The following C6 variants were observed in gnomAD, a reference collection of about 807,000 sequenced individuals.
C6 encodes the protein complement component C6.
In C6, 101 loss-of-function variants were observed where a neutral mutation model predicts 112.9. That is an observed-to-expected ratio of 0.89 (90% CI 0.76 to 1.06). The LOEUF (loss-of-function observed/expected upper bound fraction) is 1.06, where lower values mean the gene tolerates loss of function less well. Among genes scored for constraint, C6 ranks in the 50% least tolerant of loss-of-function variants. The pLI is 0.00. For synonymous variants in C6, 431 were observed against 384.1 expected (o/e 1.12, Z -1.43); for missense variants, 1,202 against 1,104.6 (o/e 1.09, Z -1.25).
chr5:41,213,266 G>T, intron 1 of C6, 110 bp downstream of exon 1: 1 of 290,814 alleles, frequency 3.4e-6, no homozygotes, highest in Non-Finnish European at 5.1e-6. Context: ...ACAAAGAAAT[G>T]GTTATAGTCT....
At chr5:41,168,315 A>G (rs1342332547) in intron 9 of C6, among the ~76,000 whole-genome samples, 2 of 152,210 alleles carry the variant, frequency 1.3e-5, no homozygotes, top group African/African-American at 4.8e-5. Context: ...AGCCAAAGCA[A>G]AAATGGCCTA....
At chr5:41,203,628 T>G (rs1208558300) in intron 1 of C6, 1 of 198,202 alleles carries the variant, frequency 5.0e-6, no homozygotes, top group East Asian at 1.2e-4. Context: ...TCAAGTACAT[T>G]TCAGCTGTTC....
chr5:41,210,755 T>G (rs1008377704), intron 1 of C6, among the ~76,000 whole-genome samples: 6 of 152,140 alleles, frequency 3.9e-5, no homozygotes, highest in African/African-American at 1.4e-4. Context: ...CTGGAGAGGA[T>G]GTGGAGAAAT....
At position 41,174,810 on chromosome 5, in the gene C6, A is replaced by G. The variant is rs1454301524; in HGVS notation, c.1168+1665T>C. Among the ~76,000 whole-genome samples the G allele has an allele frequency of 3.9e-5, 6 of 152,344 alleles. No individual in the cohort carries two copies. In the East Asian group the frequency reaches 9.6e-4, roughly 24 times the overall value. On this transcript the variant is annotated intron_variant, in intron 8 of 17. Coordinates refer to ENST00000337836, the MANE Select transcript of C6 (RefSeq NM_000065.5). ...TAAATCTATACTTTAGTTTCATGTT[A>G]TGATGAGGTAAAGGGAGAGAGAATA...
chr5:41,151,266 A>G (rs1561093890), intron 15 of C6, among the ~76,000 whole-genome samples: 2 of 152,192 alleles, frequency 1.3e-5, no homozygotes, highest in Non-Finnish European at 2.9e-5. Flanking sequence ...CCAAGGTTCC[A>G]GAGGTGGAAA....
intron 17 of C6, among the ~76,000 whole-genome samples, chr5:41,148,244 C>A (rs137958931): frequency 1.3e-5 from 2 of 152,108 alleles, no homozygotes; most frequent in African/African-American, 2.4e-5. Flanking sequence ...TCATAGAATA[C>A]CCGTATAGAC....
chr5:41,194,700 G>C (rs767057128), intron 5 of C6, among the ~76,000 whole-genome samples: 5 of 150,556 alleles, frequency 3.3e-5, no homozygotes, highest in Non-Finnish European at 7.4e-5. Context: ...AAAGGGGAGA[G>C]TATAGGAGAT....
At chr5:41,159,738 T>C (rs953129887) in intron 11 of C6, among the ~76,000 whole-genome samples, 1 of 152,320 alleles carries the variant, frequency 6.6e-6, no homozygotes, top group East Asian at 1.9e-4. Context: ...TATTTTTTAT[T>C]ACAAAGCCAT....
At chr5:41,253,575 C>T (rs573118863) in intron 1 of C6, among the ~76,000 whole-genome samples, 1 of 152,294 alleles carries the variant, frequency 6.6e-6, no homozygotes, top group East Asian at 1.9e-4. Flanking sequence ...TAGGACCCAC[C>T]TAATTTGTTT....
In C6 at chr5:41,178,797, C is replaced by T. The variant is rs531736523; in HGVS notation, c.928-2082G>A. 3.3e-5 allele frequency among the ~76,000 whole-genome samples: 5 copies of T among 151,256 alleles called. No homozygotes were observed. In the South Asian group the frequency reaches 1.0e-3, roughly 32 times the overall value. ...AGCCTCATTTCCTTAGACTGAAATT[C>T]CTTAATTCTGTTCAGAACTAATCAA... On this transcript the variant is annotated intron_variant, in intron 7 of 17. Coordinates refer to ENST00000337836, the MANE Select transcript of C6 (RefSeq NM_000065.5).
intron 1 of C6, among the ~76,000 whole-genome samples, chr5:41,258,644 A>G (rs1228909468): frequency 6.6e-6 from 1 of 152,214 alleles, no homozygotes; most frequent in African/African-American, 2.4e-5. Context: ...AACCACATCT[A>G]TACGTACTGT....
chr5:41,189,622 A>G (rs1011017276), intron 5 of C6, among the ~76,000 whole-genome samples: 1 of 152,116 alleles, frequency 6.6e-6, no homozygotes, highest in Non-Finnish European at 1.5e-5. Flanking sequence ...TGTTGGGAAT[A>G]TTCAAAATTT....
At chr5:41,243,733 T>C (rs1442861078) in intron 1 of C6, among the ~76,000 whole-genome samples, 2 of 152,174 alleles carry the variant, frequency 1.3e-5, no homozygotes, top group Non-Finnish European at 2.9e-5. Flanking sequence ...CTGAAGGCTT[T>C]TTAACAGCCT....
chr5:41,169,130 TAGG>T (rs1748216486), intron 9 of C6, among the ~76,000 whole-genome samples: 1 of 152,160 alleles, frequency 6.6e-6, no homozygotes, highest in East Asian at 1.9e-4. Flanking sequence ...ACATTGGCAA[TAGG>T]TGCCAGTGCA....
At chr5:41,213,565 T>C (rs1752073169), upstream of C6, 2 of 985,320 alleles carry the variant, frequency 2.0e-6, no homozygotes, top group Middle Eastern at 5.2e-4. Flanking sequence ...AAATAAATGT[T>C]CTCTGGAACT....
At chr5:41,200,138 G>T (rs1387236485) in intron 3 of C6, among the ~76,000 whole-genome samples, 1 of 152,114 alleles carries the variant, frequency 6.6e-6, no homozygotes, top group Non-Finnish European at 1.5e-5. Flanking sequence ...GGTTAAAAAG[G>T]TTTCTAAGGC....
chr5:41,219,948 T>C (rs1206101275), intron 1 of C6, among the ~76,000 whole-genome samples: 1 of 152,158 alleles, frequency 6.6e-6, no homozygotes, highest in Non-Finnish European at 1.5e-5. Flanking sequence ...TTCTACATAT[T>C]ATCAGGAGTG....
intron 8 of C6, 71 bp from the exon 9 acceptor site, chr5:41,172,418 C>A: frequency 6.8e-7 from 1 of 1,466,490 alleles, no homozygotes; most frequent in Non-Finnish European, 9.5e-7. Context: ...ACATGGTGCT[C>A]TGGTCACTTC....
intron 7 of C6, 24 bp from the exon 8 acceptor site, chr5:41,176,739 A>G: frequency 6.3e-7 from 1 of 1,599,350 alleles, no homozygotes; most frequent in South Asian, 1.1e-5. Flanking sequence ...AGAAGTAAAA[A>G]GATGATTAAA....
Sources: allele counts gnomAD v4.1 joint callset (sites outside exome capture counted in the v4.1 genomes callset), GRCh38; gene constraint gnomAD v4.1.1; transcripts MANE v1.5; gene names NCBI Gene and HGNC (gene_info 2026-07-23, HGNC 2026-07-21).